PSMA4: variants seen among roughly 807,000 people sequenced by gnomAD.
PSMA4 encodes the protein proteasome subunit alpha type-4.
A neutral mutation model predicts 37.2 loss-of-function variants in PSMA4; 8 were observed. That is an observed-to-expected ratio of 0.22 (90% confidence interval 0.13 to 0.39). The LOEUF is 0.39. Among genes scored for constraint, PSMA4 ranks in the 10% least tolerant of loss-of-function variants. The probability of loss-of-function intolerance (pLI) is 1.00; values close to 1 mark genes in which losing one functional copy is unlikely to be tolerated. For synonymous variants in PSMA4, 93 were observed against 98.8 expected (o/e 0.94, Z 0.35); for missense variants, 169 against 305.1 (o/e 0.55, Z 3.32).
intron 8 of PSMA4, among the ~76,000 whole-genome samples, chr15:78,547,240 A>G (rs190611191): frequency 6.6e-6 from 1 of 152,354 alleles, no homozygotes; most frequent in East Asian, 1.9e-4. Flanking sequence ...CTGTATTCCA[A>G]ACTTAAAGGC....
In PSMA4 at chr15:78,549,101, A is replaced by G; in HGVS notation, c.*157A>G. 2 of 1,125,874 alleles carry G rather than the reference A, an allele frequency of 1.8e-6. No individual in the cohort carries two copies. The highest frequency in any genetic ancestry group is 2.3e-6 in the Non-Finnish European group (2 of 870,452). 69.7% of individuals were successfully genotyped at this position (1,125,874 alleles called of 1,614,324 possible). The stretch of plus-strand genomic sequence containing the variant: ...CCTTGTCATTTCTGTCCAATTGAAT[A>G]CTTTATTGTAACGATGATGGTTACC... On this transcript the variant is annotated 3_prime_UTR_variant, in exon 9 of 9. Transcript: ENST00000044462.
chr15:78,548,089 G>A (rs568864102), intron 8 of PSMA4, among the ~76,000 whole-genome samples: 14 of 152,064 alleles, frequency 9.2e-5, no homozygotes, highest in South Asian at 2.1e-4. Context: ...AAAATTAGCC[G>A]GGCGTGGTGG....
rs1242851629 is a variant in PSMA4 at position 78,544,284 on chromosome 15, C to G, written c.287+17C>G. On this transcript the variant is annotated intron_variant, in intron 5 of 8. Coordinates refer to ENST00000044462, the MANE Select transcript of PSMA4 (RefSeq NM_002789.6). ...TGCTCAAAGGTATGGTCATAAATAGCATAACTGATGATACAGAAATTAGTT... is the reference window on the plus strand; with the variant it reads ...TGCTCAAAGGTATGGTCATAAATAGGATAACTGATGATACAGAAATTAGTT... The G allele has an allele frequency of 6.9e-7, 1 of 1,453,974 alleles. No homozygotes were observed. Among genetic ancestry groups the G allele is most frequent in the East Asian group, 2.5e-5 (1 of 40,626 alleles). 90.1% of individuals were successfully genotyped at this position (1,453,974 alleles called of 1,614,324 possible).
chr15:78,544,980 T>C lies in PSMA4; in HGVS notation c.376+23T>C, dbSNP rs1364006016. The C allele has an allele frequency of 6.5e-6, 10 of 1,542,924 alleles. No homozygotes were observed. The East Asian group carries it at 2.3e-4, about 35-fold the overall frequency. ...GAGGTATTTAATTTTTTTGAAAATTTTATTCGAAAAAGTTAAGACATTTTA... is the reference window on the plus strand; with the variant it reads ...GAGGTATTTAATTTTTTTGAAAATTCTATTCGAAAAAGTTAAGACATTTTA... On this transcript the variant is annotated intron_variant, in intron 6 of 8. Coordinates refer to ENST00000044462, the MANE Select transcript of PSMA4 (RefSeq NM_002789.6).
rs139918957 is a variant in PSMA4, at chr15:78,550,928, C to A, written c.*1984C>A. On this transcript the variant is annotated 3_prime_UTR_variant, in exon 9 of 9. Coordinates refer to ENST00000044462, the MANE Select transcript of PSMA4 (RefSeq NM_002789.6). ...TTTTGCAAATTCACAAGTACAGAAT[C>A]AGCAAGTAGTGAAGATGAATGGCAC... The A allele has an allele frequency of 6.6e-6, 1 of 152,164 alleles. No individual in the cohort carries two copies. Among genetic ancestry groups the A allele is most frequent in the Non-Finnish European group, 1.5e-5 (1 of 68,032 alleles). The allele number at this position is 152,164 out of a possible 1,614,324, so 9.4% of individuals were successfully genotyped here.
At chr15:78,546,479 A>T in intron 7 of PSMA4, 96 bp from the exon 8 acceptor site, 1 of 1,139,146 alleles carries the variant, frequency 8.8e-7, no homozygotes, top group Non-Finnish European at 1.2e-6. Flanking sequence ...TTATACTTGT[A>T]ATGCCAATAA....
chr15:78,544,728 G>A lies in PSMA4; in HGVS notation c.288-141G>A, dbSNP rs940248699. On this transcript the variant is annotated intron_variant, in intron 5 of 8. Transcript: ENST00000044462. The stretch of plus-strand genomic sequence containing the variant: ...TTATTTACTATGAGAATATTCAGAT[G>A]TTGACTTGTTCCCTCCCCTTCAAAT... The A allele has an allele frequency of 5.8e-5, 31 of 530,996 alleles. No homozygotes were observed. The African/African-American group carries it at 6.0e-4, about 10-fold the overall frequency. 32.9% of individuals were successfully genotyped at this position (530,996 alleles called of 1,614,324 possible).
Position 78,548,878 on chromosome 15 carries a change from TGA to T in PSMA4, c.722_723del (p.Glu241GlyfsTer7), listed in dbSNP as rs1567039973. On this transcript the variant is annotated frameshift_variant, in exon 9 of 9. Transcript: ENST00000044462. LOFTEE classifies it high-confidence loss of function. ...AAGTGGAGCAGTTGATCAAAAAACA[TGA>T]GGAAGAAGAAGCCAAAGCTGAGCGT... Reference protein sequence around the residue: ...KEVEQLIKKHEEEEAKAEREK... With the variant: ...KEVEQLIKKHXEEEAKAEREK... The T allele has an allele frequency of 6.2e-7, 1 of 1,612,518 alleles. No homozygotes were observed. Among genetic ancestry groups the T allele is most frequent in the Admixed American group, 1.7e-5 (1 of 59,858 alleles).
At chr15:78,541,678 C>T (rs1215367033) in intron 1 of PSMA4, 1 of 505,206 alleles carries the variant, frequency 2.0e-6, no homozygotes, top group Admixed American at 3.9e-5. Flanking sequence ...ACCCTACCCC[C>T]GGTTCCTCTT....
chr15:78,543,792 C>T lies in PSMA4; in HGVS notation c.210-398C>T, dbSNP rs569022407. ...CCGTATTGCCCAGGCTGTTCTTGAT[C>T]TCCTGGGCTCAAGCCCTCCATCTAC... is the stretch of plus-strand genomic sequence containing the variant. On this transcript the variant is annotated intron_variant, in intron 4 of 8. Transcript: ENST00000044462. The T allele has an allele frequency of 1.7e-5, 3 of 174,636 alleles. No individual in the cohort carries two copies. In the South Asian group the frequency reaches 3.7e-4, roughly 22 times the overall value. The allele number at this position is 174,636 out of a possible 1,614,324, so 10.8% of individuals were successfully genotyped here. A position where few individuals can be genotyped will look rare whatever the true frequency, so the allele number is the denominator to read the frequency against.
Position 78,544,923 on chromosome 15 carries a change from G to A in PSMA4, c.342G>A (p.Leu114=), listed in dbSNP as rs2052525383. 1 of 1,610,616 alleles carries A rather than the reference G, an allele frequency of 6.2e-7. No homozygotes were observed. The highest frequency in any genetic ancestry group is 1.7e-5 in the Admixed American group (1 of 59,588). ...CTTGTGAGCAGTTGGTTACAGCGCT[G>A]TGTGATATCAAACAAGCTTATACAC... is the stretch of plus-strand genomic sequence containing the variant. The part of the protein sequence containing the change: ...PIPCEQLVTA[L]CDIKQAYTQF... The change falls in exon 6 of 9, where the codon CTG becomes CTA. Residue 114 remains leucine (L), a synonymous_variant. Coordinates refer to ENST00000044462, the MANE Select transcript of PSMA4 (RefSeq NM_002789.6).
At chr15:78,545,857 T>C in intron 7 of PSMA4, 93 bp downstream of exon 7, 1 of 1,334,664 alleles carries the variant, frequency 7.5e-7, no homozygotes, top group Non-Finnish European at 1.1e-6. Flanking sequence ...TATTTTAAGA[T>C]AGCTGCAACA....
intron 7 of PSMA4, among the ~76,000 whole-genome samples, 168 bp from the exon 8 acceptor site, chr15:78,546,407 C>A (rs992924243): frequency 1.3e-5 from 2 of 151,416 alleles, no homozygotes; most frequent in Admixed American, 1.3e-4. Context: ...TGAGATCATG[C>A]CACTACACTC....
chr15:78,540,449 A>G lies in PSMA4; in HGVS notation c.-114A>G, dbSNP rs1411361144. 1 of 152,382 alleles carries G rather than the reference A, an allele frequency of 6.6e-6. No homozygotes were observed. Among genetic ancestry groups the G allele is most frequent in the Non-Finnish European group, 1.5e-5 (1 of 68,206 alleles). 9.4% of individuals were successfully genotyped at this position (152,382 alleles called of 1,614,324 possible). A position where few individuals can be genotyped will look rare whatever the true frequency, so the allele number is the denominator to read the frequency against. On this transcript the variant is annotated 5_prime_UTR_variant, in exon 1 of 9. Coordinates refer to ENST00000044462, the MANE Select transcript of PSMA4 (RefSeq NM_002789.6). ...TCTGCGCATGCGCGGGGGCCATATT[A>G]GCAGCGGTTATTCGGTGAGCGGTGG...
rs1368839262 is a variant in PSMA4 at position 78,541,923 on chromosome 15, A to G, written c.-5A>G. On this transcript the variant is annotated 5_prime_UTR_variant, in exon 2 of 9. Coordinates refer to ENST00000044462, the MANE Select transcript of PSMA4 (RefSeq NM_002789.6). ...TTTACAGGAACTATATAAAGTTCAG[A>G]AAACATGGTGAGTTAATACACATGC... 6.3e-7 allele frequency: 1 copy of G among 1,596,742 alleles called. No individual in the cohort carries two copies.
At chr15:78,546,744 A>G in intron 8 of PSMA4, 46 bp downstream of exon 8, 7 of 1,551,342 alleles carry the variant, frequency 4.5e-6, no homozygotes, top group Non-Finnish European at 6.1e-6. Flanking sequence ...AGTGAGGGAA[A>G]TTAGCAGCTG....
chr15:78,542,695 T>C (rs1338496451), intron 4 of PSMA4, 50 bp downstream of exon 4: 5 of 1,509,134 alleles, frequency 3.3e-6, no homozygotes, highest in Middle Eastern at 1.8e-4. Context: ...CTTTCTCACA[T>C]AAGTGGGATC....
intron 6 of PSMA4, 83 bp from the exon 7 acceptor site, chr15:78,545,551 T>A (rs978415340): frequency 2.7e-6 from 4 of 1,461,752 alleles, no homozygotes; most frequent in African/African-American, 2.8e-5. Flanking sequence ...GAGTAGGGTT[T>A]AGCTACCTTC....
chr15:78,542,602 C>G lies in PSMA4; in HGVS notation c.166C>G (p.Leu56Val). Residue 56 changes from leucine to valine, a missense_variant, in exon 4 of 9, where the codon CTT (leucine) becomes GTT (valine). This residue lies in a region of PSMA4 where 79 missense variants were observed against 212.4 expected (regional missense o/e 0.37). Coordinates refer to ENST00000044462, the MANE Select transcript of PSMA4 (RefSeq NM_002789.6). ...AAERRNIHKL[L>V]DEVFFSEKIY... Reference sequence around the variant, plus strand: ...AGAGAGACGCAACATCCACAAGCTTCTTGATGAAGTCTTTTTTTCTGAAAA... The same window carrying G: ...AGAGAGACGCAACATCCACAAGCTTGTTGATGAAGTCTTTTTTTCTGAAAA... 3.7e-6 allele frequency: 6 copies of G among 1,610,636 alleles called. No homozygotes were observed. Among genetic ancestry groups the G allele is most frequent in the Non-Finnish European group, 5.1e-6 (6 of 1,179,294 alleles).
Sources: allele counts gnomAD v4.1 joint callset (sites outside exome capture counted in the v4.1 genomes callset), GRCh38; gene constraint gnomAD v4.1.1; regional missense constraint gnomAD v4.1.1; transcripts MANE v1.5; gene names NCBI Gene and HGNC (gene_info 2026-07-23, HGNC 2026-07-21).